The following KLHL1 variants were observed in gnomAD, a reference collection of about 807,000 sequenced individuals.
KLHL1 encodes kelch-like protein 1.
Under a neutral mutation model 77.7 loss-of-function variants are expected in KLHL1, and 47 were observed. That is an observed-to-expected ratio of 0.60 (90% CI 0.48 to 0.77). The LOEUF is 0.77. Among genes scored for constraint, KLHL1 ranks in the 30% least tolerant of loss-of-function variants. The probability of loss-of-function intolerance (pLI) is 0.00; values close to 1 mark genes in which losing one functional copy is unlikely to be tolerated. For synonymous variants in KLHL1, 360 were observed against 325.2 expected, an observed-to-expected ratio of 1.11 and a Z score of -1.15; for missense variants, 925 against 910.8, an observed-to-expected ratio of 1.02 and a Z score of -0.20.
chr13:69,861,489 T>G (rs1880157016), intron 5 of KLHL1, among the ~76,000 whole-genome samples: 1 of 152,074 alleles, frequency 6.6e-6, no homozygotes, highest in Non-Finnish European at 1.5e-5. Flanking sequence ...GTTTATCAGC[T>G]TTTAAAATAA....
chr13:69,811,255 C>T, intron 6 of KLHL1, among the ~76,000 whole-genome samples: 1 of 152,014 alleles, frequency 6.6e-6, no homozygotes, highest in African/African-American at 2.4e-5. Context: ...GAATCCAGCA[C>T]CAGACCCAAA....
chr13:69,917,919 G>T (rs1204841341), intron 4 of KLHL1, among the ~76,000 whole-genome samples: 1 of 151,976 alleles, frequency 6.6e-6, no homozygotes, highest in Non-Finnish European at 1.5e-5. Flanking sequence ...ATTGTTGAAA[G>T]GTACTTTACT....
intron 4 of KLHL1, among the ~76,000 whole-genome samples, chr13:69,893,123 G>A (rs1881486926): frequency 6.6e-6 from 1 of 151,108 alleles, no homozygotes; most frequent in South Asian, 2.1e-4. Context: ...AAAAGCAAAT[G>A]ATAAAAATTA....
chr13:70,075,009 C>G (rs1464441603), intron 1 of KLHL1, among the ~76,000 whole-genome samples: 2 of 151,906 alleles, frequency 1.3e-5, no homozygotes, highest in Non-Finnish European at 2.9e-5. Flanking sequence ...TTACCCTCTA[C>G]CCTCCAAAGA....
At chr13:69,972,673 T>A (rs946499885) in intron 2 of KLHL1, among the ~76,000 whole-genome samples, 25 of 151,870 alleles carry the variant, frequency 1.6e-4, no homozygotes, top group African/African-American at 5.6e-4. Flanking sequence ...AACTCAAGAC[T>A]AAGTATATTA....
intron 4 of KLHL1, among the ~76,000 whole-genome samples, chr13:69,905,866 G>T (rs1231923566): frequency 6.6e-6 from 1 of 151,918 alleles, no homozygotes; most frequent in African/African-American, 2.4e-5. Flanking sequence ...ACGATAAATG[G>T]CTTGGAATAG....
At chr13:69,962,984 A>C (rs1328418427) in intron 2 of KLHL1, among the ~76,000 whole-genome samples, 3 of 152,122 alleles carry the variant, frequency 2.0e-5, no homozygotes, top group African/African-American at 7.2e-5. Flanking sequence ...ATTTCTTCAT[A>C]TATTCACTTT....
intron 4 of KLHL1, among the ~76,000 whole-genome samples, chr13:69,937,502 A>G (rs1883223448): frequency 6.6e-6 from 1 of 152,140 alleles, no homozygotes; most frequent in Non-Finnish European, 1.5e-5. Context: ...TTAAAATGTT[A>G]TATCCAGAAT....
intron 1 of KLHL1, among the ~76,000 whole-genome samples, chr13:69,977,775 C>G (rs979087631): frequency 6.6e-6 from 1 of 151,976 alleles, no homozygotes; most frequent in African/African-American, 2.4e-5. Context: ...ATTCGGAGAG[C>G]CTTACCAGTA....
At chr13:70,014,141 C>G (rs949005974) in intron 1 of KLHL1, among the ~76,000 whole-genome samples, 1 of 151,932 alleles carries the variant, frequency 6.6e-6, no homozygotes, top group Non-Finnish European at 1.5e-5. Context: ...TTCTCAGGTA[C>G]TTATGTGGAG....
intron 5 of KLHL1, among the ~76,000 whole-genome samples, chr13:69,856,395 G>C (rs1007095291): frequency 6.6e-6 from 1 of 151,954 alleles, no homozygotes; most frequent in African/African-American, 2.4e-5. Context: ...TGATTTTCTT[G>C]CTACTACTAT....
intron 1 of KLHL1, among the ~76,000 whole-genome samples, chr13:70,000,235 T>G (rs1347023192): frequency 6.6e-6 from 1 of 151,760 alleles, no homozygotes; most frequent in Non-Finnish European, 1.5e-5. Context: ...CCACTAATAT[T>G]AGACACAAAG....
intron 8 of KLHL1, among the ~76,000 whole-genome samples, chr13:69,726,599 C>T (rs1873306521): frequency 6.6e-6 from 1 of 152,084 alleles, no homozygotes. Flanking sequence ...GTTCTGAAGC[C>T]TGATAGGGTC....
At chr13:69,946,331 T>C (rs1237903189) in intron 3 of KLHL1, among the ~76,000 whole-genome samples, 1 of 152,206 alleles carries the variant, frequency 6.6e-6, no homozygotes, top group Admixed American at 6.5e-5. Context: ...TATATCTTGA[T>C]TATTCATCAA....
At chr13:69,900,133 C>T (rs779853010) in intron 4 of KLHL1, among the ~76,000 whole-genome samples, 1 of 152,148 alleles carries the variant, frequency 6.6e-6, no homozygotes, top group Non-Finnish European at 1.5e-5. Flanking sequence ...GATGAATACT[C>T]TGGATATGGG....
At chr13:69,725,743 G>T (rs528466673) in intron 8 of KLHL1, among the ~76,000 whole-genome samples, 1 of 152,248 alleles carries the variant, frequency 6.6e-6, no homozygotes, top group East Asian at 1.9e-4. Context: ...TTGTAGCTTA[G>T]TGAAATCCTG....
intron 1 of KLHL1, among the ~76,000 whole-genome samples, chr13:70,014,669 T>C (rs1885615131): frequency 6.6e-6 from 1 of 152,160 alleles, no homozygotes; most frequent in South Asian, 2.1e-4. Context: ...CTGTAGGATC[T>C]TTATGTAATA....
intron 7 of KLHL1, among the ~76,000 whole-genome samples, chr13:69,778,787 C>T (rs1198158881): frequency 1.4e-5 from 2 of 145,840 alleles, no homozygotes; most frequent in Admixed American, 6.9e-5. Context: ...GCAGGTATTC[C>T]CTCTCTTTTT....
chr13:69,964,673 C>T (rs1414910463), intron 2 of KLHL1, among the ~76,000 whole-genome samples: 3 of 152,112 alleles, frequency 2.0e-5, no homozygotes, highest in African/African-American at 7.2e-5. Flanking sequence ...ATTCATTTTA[C>T]ACTCAATTTT....
Sources: gnomAD v4.1 joint callset for allele counts (sites outside exome capture counted in the v4.1 genomes callset) on GRCh38, gnomAD v4.1.1 for gene constraint, MANE v1.5 for transcripts, NCBI Gene and HGNC (gene_info 2026-07-23, HGNC 2026-07-21) for gene names.